Variants in CMTM7 observed in about 807,000 individuals in gnomAD.
CMTM7 encodes CKLF like MARVEL transmembrane domain containing 7.
In CMTM7, 7 loss-of-function variants were observed where a neutral mutation model predicts 19.3. That is an observed-to-expected ratio of 0.36 (90% CI 0.21 to 0.68). The LOEUF (loss-of-function observed/expected upper bound fraction) is 0.68. CMTM7 is among the 30% of genes least tolerant of loss of function. The probability of loss-of-function intolerance (pLI) is 0.60; values close to 1 mark genes in which losing one functional copy is unlikely to be tolerated. For synonymous variants in CMTM7, 87 were observed against 99.3 expected (o/e 0.88, Z 0.74); for missense variants, 193 against 232.6 (o/e 0.83, Z 1.11).
chr3:32,437,916 C>T (rs541806273), intron 1 of CMTM7, among the ~76,000 whole-genome samples: 1 of 152,018 alleles, frequency 6.6e-6, no homozygotes, highest in South Asian at 2.1e-4. Flanking sequence ...TAAAATAAAC[C>T]CCTGGACATT....
intron 1 of CMTM7, among the ~76,000 whole-genome samples, chr3:32,413,864 G>C (rs615292): frequency 0.42 from 63,806 of 151,860 alleles, 13,676 homozygotes; most frequent in South Asian, 0.48. Context: ...GCATTCATCC[G>C]CCGCAGGTTC....
intron 2 of CMTM7, among the ~76,000 whole-genome samples, chr3:32,445,075 T>C (rs1455937032): frequency 6.6e-6 from 1 of 152,264 alleles, no homozygotes; most frequent in Non-Finnish European, 1.5e-5. Context: ...TGTGCTGAAC[T>C]ACTTAGTAGT....
chr3:32,411,908 G>A (rs897375793), intron 1 of CMTM7, among the ~76,000 whole-genome samples: 2 of 152,016 alleles, frequency 1.3e-5, no homozygotes, highest in Non-Finnish European at 2.9e-5. Flanking sequence ...CCTAATGCAC[G>A]GGAAGGGGCA....
intron 2 of CMTM7, among the ~76,000 whole-genome samples, chr3:32,445,270 G>A (rs1042760747): frequency 6.6e-6 from 1 of 152,176 alleles, no homozygotes; most frequent in East Asian, 1.9e-4. Flanking sequence ...TGGCAGAGCA[G>A]CCATCATTAT....
At chr3:32,433,030 G>T (rs1696544096) in intron 1 of CMTM7, among the ~76,000 whole-genome samples, 1 of 152,108 alleles carries the variant, frequency 6.6e-6, no homozygotes, top group South Asian at 2.1e-4. Context: ...TGCTCTTTTT[G>T]CAGTCTTGAA....
chr3:32,395,663 G>C (rs137907166), intron 1 of CMTM7, among the ~76,000 whole-genome samples: 2 of 152,330 alleles, frequency 1.3e-5, no homozygotes, highest in Admixed American at 6.5e-5. Context: ...AGGATGTGAA[G>C]AAATTGGAAC....
intron 1 of CMTM7, among the ~76,000 whole-genome samples, chr3:32,393,265 C>T (rs1695866031): frequency 1.3e-5 from 2 of 152,178 alleles, no homozygotes; most frequent in African/African-American, 4.8e-5. Flanking sequence ...AGAACGGTGT[C>T]TAGATAGACC....
chr3:32,397,707 C>G (rs1441485918), intron 1 of CMTM7, among the ~76,000 whole-genome samples: 1 of 151,482 alleles, frequency 6.6e-6, no homozygotes, highest in African/African-American at 2.4e-5. Flanking sequence ...GCACTCCAGC[C>G]TGGCAACAAA....
intron 1 of CMTM7, among the ~76,000 whole-genome samples, chr3:32,402,413 GTTTAC>G (rs145262355): frequency 0.097 from 14,726 of 151,574 alleles, 865 homozygotes; most frequent in African/African-American, 0.15. Context: ...TGCCCGGCCA[GTTTAC>G]TTTAGATAGT....
Position 32,442,702 on chromosome 3 carries a change from G to A in CMTM7, c.333+689G>A, listed in dbSNP as rs114987127. On this transcript the variant is annotated intron_variant, in intron 2 of 4. Transcript: ENST00000334983. ...TTCTGGCTAAAAGAGACTAGTGGGG[G>A]CTGAGGAGACAGTCAGAAGTTGCCA... Among the ~76,000 whole-genome samples, 1,493 of 152,122 alleles carry A rather than the reference G, an allele frequency of 9.8e-3. 26 individuals are homozygous for A. The highest frequency in any genetic ancestry group is 0.034 in the African/African-American group (1,409 of 41,486).
chr3:32,391,935 C>T lies in CMTM7; in HGVS notation c.29C>T (p.Thr10Ile). 2 of 1,228,486 alleles carry T rather than the reference C, an allele frequency of 1.6e-6. No individual in the cohort carries two copies. The highest frequency in any genetic ancestry group is 2.0e-6 in the Non-Finnish European group (2 of 985,502). The allele number at this position is 1,228,486 out of a possible 1,614,324, so 76.1% of individuals were successfully genotyped here. The change falls in exon 1 of 5, where the codon ACC becomes ATC. Residue 10 changes from threonine to isoleucine, a missense_variant. Thr to Ile is a moderately conservative substitution (Grantham distance 89, BLOSUM62 -1). Coordinates refer to ENST00000334983, the MANE Select transcript of CMTM7 (RefSeq NM_138410.4). ...TCGCACGGAGCCGGGCTCGTCCGCA[C>T]CACGTGCAGCAGCGGCAGCGCGCTC... MSHGAGLVR[T>I]TCSSGSALGP...
At chr3:32,427,297 G>A (rs924816511) in intron 1 of CMTM7, among the ~76,000 whole-genome samples, 2 of 152,236 alleles carry the variant, frequency 1.3e-5, no homozygotes, top group African/African-American at 4.8e-5. Context: ...CAAACACGTA[G>A]TGAGTTCTTT....
chr3:32,421,430 C>A (rs762735445), intron 1 of CMTM7, among the ~76,000 whole-genome samples: 3 of 152,150 alleles, frequency 2.0e-5, no homozygotes, highest in Non-Finnish European at 4.4e-5. Context: ...GCTTTCCCAC[C>A]CCTATGCCTT....
intron 2 of CMTM7, among the ~76,000 whole-genome samples, chr3:32,445,903 A>G (rs935380246): frequency 6.6e-6 from 1 of 152,174 alleles, no homozygotes; most frequent in African/African-American, 2.4e-5. Flanking sequence ...ATATGCTGGT[A>G]TATTCAGTTT....
chr3:32,409,783 G>C (rs1469016070), intron 1 of CMTM7, among the ~76,000 whole-genome samples: 2 of 152,160 alleles, frequency 1.3e-5, no homozygotes, highest in African/African-American at 2.4e-5. Flanking sequence ...GGCATAACTT[G>C]TCTCAATTTG....
chr3:32,403,281 C>T (rs1458362340), intron 1 of CMTM7, among the ~76,000 whole-genome samples: 1 of 152,178 alleles, frequency 6.6e-6, no homozygotes, highest in African/African-American at 2.4e-5. Flanking sequence ...GTGGTGCTAT[C>T]TCTGCTCACT....
At chr3:32,425,832 G>A (rs543012468) in intron 1 of CMTM7, among the ~76,000 whole-genome samples, 2 of 152,120 alleles carry the variant, frequency 1.3e-5, no homozygotes, top group Non-Finnish European at 2.9e-5. Flanking sequence ...GACACCGGTC[G>A]GCACCTGGTC....
At chr3:32,425,831 C>A (rs28395451) in intron 1 of CMTM7, among the ~76,000 whole-genome samples, 1,851 of 152,234 alleles carry the variant, frequency 0.012, 16 homozygotes, top group African/African-American at 0.02. Flanking sequence ...GGACACCGGT[C>A]GGCACCTGGT....
At chr3:32,441,816 C>G in intron 1 of CMTM7, 24 bp from the exon 2 acceptor site, 1 of 1,610,716 alleles carries the variant, frequency 6.2e-7, no homozygotes, top group Non-Finnish European at 8.5e-7. Flanking sequence ...AAGCATTTCT[C>G]TGATGTCTCT....
Sources: allele counts gnomAD v4.1 joint callset (sites outside exome capture counted in the v4.1 genomes callset), GRCh38; gene constraint gnomAD v4.1.1; transcripts MANE v1.5; gene names NCBI Gene and HGNC (gene_info 2026-07-23, HGNC 2026-07-21).